The following ST3GAL1 variants were observed in gnomAD, a reference collection of about 807,000 sequenced individuals.
ST3GAL1 encodes ST3 beta-galactoside alpha-2,3-sialyltransferase 1, also known as CMP-N-acetylneuraminate-beta-galactosamide-alpha-2,3-sialyltransferase 1.
Under a neutral mutation model 34.1 loss-of-function variants are expected in ST3GAL1, and 16 were observed. That is an observed-to-expected ratio of 0.47 (90% confidence interval 0.32 to 0.71). The LOEUF is 0.71. Among genes scored for constraint, ST3GAL1 ranks in the 30% least tolerant of loss-of-function variants. The pLI is 0.04. For missense variants in ST3GAL1, 353 were observed against 447.4 expected (o/e 0.79, Z 1.90); for synonymous variants, 191 against 184.7 (o/e 1.03, Z -0.28).
chr8:133,480,471 C>T (rs7388486), intron 3 of ST3GAL1, among the ~76,000 whole-genome samples: 22,744 of 152,030 alleles, frequency 0.15, 2,374 homozygotes, highest in East Asian at 0.59. Context: ...GGATGCCCTC[C>T]CAGCCCTTCA....
rs576581910 is a variant in ST3GAL1, at chr8:133,505,007, C to T, written c.-428-5818G>A. On this transcript the variant is annotated intron_variant, in intron 2 of 9. Coordinates refer to ENST00000522652, the MANE Select transcript of ST3GAL1 (RefSeq NM_173344.3). ...TTCTTCATCTGCTAAACAGAAAAGACGGGCTAACTCTGCAGACACCTGGGG... is the reference window on the plus strand; with the variant it reads ...TTCTTCATCTGCTAAACAGAAAAGATGGGCTAACTCTGCAGACACCTGGGG... 3.4e-4 allele frequency among the ~76,000 whole-genome samples: 51 copies of T among 152,176 alleles called. 1 individual carries two copies. The South Asian group carries it at 7.5e-3, about 22-fold the overall frequency.
At chr8:133,550,438 G>C (rs148580006) in intron 1 of ST3GAL1, among the ~76,000 whole-genome samples, 1 of 152,218 alleles carries the variant, frequency 6.6e-6, no homozygotes, top group Non-Finnish European at 1.5e-5. Context: ...CCACAAATGA[G>C]GAAACCAAGG....
intron 3 of ST3GAL1, chr8:133,488,280 G>A (rs1046743658): frequency 6.6e-6 from 1 of 152,236 alleles, no homozygotes; most frequent in South Asian, 2.1e-4. Context: ...CTAGGCCATG[G>A]AGTCCAGTAG....
intron 8 of ST3GAL1, 130 bp from the exon 9 acceptor site, chr8:133,462,124 T>A: frequency 7.4e-7 from 1 of 1,344,944 alleles, no homozygotes; most frequent in African/African-American, 1.5e-5. Context: ...CCTGCACTTG[T>A]GGGCTTCCAT....
intron 6 of ST3GAL1, among the ~76,000 whole-genome samples, chr8:133,465,179 C>G (rs557283479): frequency 1.8e-4 from 28 of 152,328 alleles, no homozygotes; most frequent in Middle Eastern, 3.4e-3. Flanking sequence ...CTAGCCATCA[C>G]CACCACTGCC....
At chr8:133,548,603 A>G (rs1294743023) in intron 1 of ST3GAL1, among the ~76,000 whole-genome samples, 2 of 152,234 alleles carry the variant, frequency 1.3e-5, no homozygotes, top group African/African-American at 4.8e-5. Flanking sequence ...CAATACAGGT[A>G]CCACACTTCT....
At chr8:133,569,088 G>GCAA (rs1819487355) in intron 1 of ST3GAL1, among the ~76,000 whole-genome samples, 1 of 152,160 alleles carries the variant, frequency 6.6e-6, no homozygotes, top group African/African-American at 2.4e-5. Flanking sequence ...ATCACTTCTA[G>GCAA]CAACGCTTCC....
intron 2 of ST3GAL1, among the ~76,000 whole-genome samples, chr8:133,530,493 G>A (rs372417131): frequency 6.6e-6 from 1 of 152,098 alleles, no homozygotes; most frequent in African/African-American, 2.4e-5. Flanking sequence ...ATGTTTGTCA[G>A]GCTGGTTGTG....
At chr8:133,465,199 C>T (rs1020105149) in intron 6 of ST3GAL1, among the ~76,000 whole-genome samples, 3 of 152,224 alleles carry the variant, frequency 2.0e-5, no homozygotes, top group Admixed American at 2.0e-4. Context: ...CCGCCTGTCA[C>T]AGACAATCTC....
chr8:133,488,218 G>A (rs1816675126), intron 3 of ST3GAL1: 1 of 152,238 alleles, frequency 6.6e-6, no homozygotes, highest in Admixed American at 6.5e-5. Context: ...TCCAGCCTGG[G>A]GGAGCGAGAC....
chr8:133,508,706 AT>A lies in ST3GAL1; in HGVS notation c.-428-9518del, dbSNP rs1157667810. Among the ~76,000 whole-genome samples the A allele has an allele frequency of 6.6e-6, 1 of 152,066 alleles. No individual in the cohort carries two copies. The highest frequency in any genetic ancestry group is 1.5e-5 in the Non-Finnish European group (1 of 68,018). ...TTGTGAGGAACCAGAGCCATTGGTC[AT>A]TTAGTAAAGACTCGTTGGGTCCCAA... is the stretch of plus-strand genomic sequence containing the variant. On this transcript the variant is annotated intron_variant, in intron 2 of 9. Coordinates refer to ENST00000522652, the MANE Select transcript of ST3GAL1 (RefSeq NM_173344.3). This position sits in a 1 kb window ranked among gnomAD's most constrained non-coding sequence, Gnocchi z 4.1.
intron 5 of ST3GAL1, among the ~76,000 whole-genome samples, chr8:133,471,715 C>T (rs997281661): frequency 6.6e-6 from 1 of 152,052 alleles, no homozygotes; most frequent in Admixed American, 6.6e-5. Context: ...CCTACACCCT[C>T]CTGGTGGTGG....
At chr8:133,465,003 G>T (rs570765568) in intron 6 of ST3GAL1, 46 bp from the exon 7 acceptor site, 1 of 1,565,554 alleles carries the variant, frequency 6.4e-7, no homozygotes. Context: ...ACGGGCACCC[G>T]TTCTCAGACA....
rs76061711 is a variant in ST3GAL1 at position 133,485,839 on chromosome 8, G to T, written c.-373-9239C>A. ...TGGTTTAGCTGCTGCCACAAGGGGTGGGGGGCTGTTTGCGGTGACCCCCAG... is the reference window on the plus strand; with the variant it reads ...TGGTTTAGCTGCTGCCACAAGGGGTTGGGGGCTGTTTGCGGTGACCCCCAG... On this transcript the variant is annotated intron_variant, in intron 3 of 9. Coordinates refer to ENST00000522652, the MANE Select transcript of ST3GAL1 (RefSeq NM_173344.3). 2.2e-3 allele frequency among the ~76,000 whole-genome samples: 332 copies of T among 152,216 alleles called. 2 individuals carry two copies. The highest frequency in any genetic ancestry group is 3.9e-3 in the Non-Finnish European group (267 of 68,014).
At chr8:133,540,506 C>T (rs965077752) in intron 2 of ST3GAL1, among the ~76,000 whole-genome samples, 3 of 152,080 alleles carry the variant, frequency 2.0e-5, no homozygotes, top group African/African-American at 7.2e-5. Context: ...CCACAGCCCC[C>T]TGAAGAAGAC....
chr8:133,549,745 C>T (rs1287300199), intron 1 of ST3GAL1, among the ~76,000 whole-genome samples: 1 of 152,124 alleles, frequency 6.6e-6, no homozygotes. Flanking sequence ...GGCAAATCAC[C>T]TGAGGTCGGA....
chr8:133,507,546 C>T (rs769360569), intron 2 of ST3GAL1, among the ~76,000 whole-genome samples: 11 of 152,300 alleles, frequency 7.2e-5, no homozygotes, highest in Admixed American at 3.3e-4. Context: ...GCCCATTTCT[C>T]GGGGTTGCTG....
chr8:133,559,394 A>G (rs1196717268), intron 1 of ST3GAL1, among the ~76,000 whole-genome samples: 1 of 152,194 alleles, frequency 6.6e-6, no homozygotes, highest in Admixed American at 6.5e-5. Context: ...CCATTCTGAA[A>G]GGTGTGTTTT....
rs72720272 is a variant in ST3GAL1 at position 133,541,772 on chromosome 8, C to G, written c.-429+4002G>C. Among the ~76,000 whole-genome samples the G allele has an allele frequency of 2.0e-5, 3 of 152,250 alleles. No homozygotes were observed. In the East Asian group the frequency reaches 5.8e-4, roughly 29 times the overall value. On this transcript the variant is annotated intron_variant, in intron 2 of 9. Transcript: ENST00000522652. ...TGTATAATCTGCACAAGTTAATTAG[C>G]TTTTCAGAGTCTTGGTTTGCTCATC...
Sources: gnomAD v4.1 joint callset for allele counts (sites outside exome capture counted in the v4.1 genomes callset) on GRCh38, gnomAD v4.1.1 for gene constraint, Gnocchi (gnomAD v3.1) non-coding constraint, MANE v1.5 for transcripts, NCBI Gene and HGNC (gene_info 2026-07-23, HGNC 2026-07-21) for gene names.